Variants in MSRB3 observed in about 807,000 individuals in gnomAD.
MSRB3 encodes the protein methionine-R-sulfoxide reductase B3.
Under a neutral mutation model 21.0 loss-of-function variants are expected in MSRB3, and 13 were observed. The ratio of observed to expected loss-of-function variants is 0.62; its 90% CI spans 0.40 to 0.98. The LOEUF is 0.98. Among genes scored for constraint, MSRB3 ranks in the 50% least tolerant of loss-of-function variants. The pLI is 0.00. For missense variants in MSRB3, 199 were observed against 230.3 expected (o/e 0.86, Z 0.88); for synonymous variants, 87 against 88.6 (o/e 0.98, Z 0.10).
chr12:65,288,671 G>C (rs1259017927), intron 1 of MSRB3, among the ~76,000 whole-genome samples: 2 of 152,104 alleles, frequency 1.3e-5, no homozygotes, highest in African/African-American at 4.8e-5. Flanking sequence ...ATGTACAGCT[G>C]GGAATTGCTT....
chr12:65,333,665 A>G (rs955922570), intron 4 of MSRB3, among the ~76,000 whole-genome samples: 1 of 152,222 alleles, frequency 6.6e-6, no homozygotes, highest in South Asian at 2.1e-4. Context: ...CTTTTCCTCC[A>G]TAAAGCCCTA....
intron 5 of MSRB3, chr12:65,419,659 G>A: frequency 1.4e-6 from 1 of 712,808 alleles, no homozygotes; most frequent in South Asian, 1.4e-5. Context: ...TCTGACCTGG[G>A]GTCCTGTCTT....
intron 5 of MSRB3, among the ~76,000 whole-genome samples, chr12:65,376,856 C>T (rs1878653334): frequency 6.6e-6 from 1 of 152,142 alleles, no homozygotes; most frequent in Admixed American, 6.5e-5. Context: ...ATGAAGGCTG[C>T]TGCAAAGAGG....
intron 4 of MSRB3, among the ~76,000 whole-genome samples, chr12:65,342,783 G>C (rs1876229641): frequency 6.6e-6 from 1 of 151,926 alleles, no homozygotes; most frequent in South Asian, 2.1e-4. Flanking sequence ...TCAGATAATA[G>C]TGCAAAAGAA....
At chr12:65,336,924 A>T (rs1875796717) in intron 4 of MSRB3, among the ~76,000 whole-genome samples, 1 of 152,230 alleles carries the variant, frequency 6.6e-6, no homozygotes, top group Non-Finnish European at 1.5e-5. Context: ...CATCCAGCTC[A>T]CCAGTTGGAA....
chr12:65,453,301 G>A lies in MSRB3; in HGVS notation c.293-427G>A, dbSNP rs552962151. On this transcript the variant is annotated intron_variant, in intron 5 of 6. Coordinates refer to ENST00000308259, the MANE Select transcript of MSRB3 (RefSeq NM_001031679.3). Reference sequence around the variant, plus strand: ...GTACTGAAAAAGCTTGCTTTCTAAGGAGGCATGGAATAGTTGAAAAGTTAA... The same window carrying A: ...GTACTGAAAAAGCTTGCTTTCTAAGAAGGCATGGAATAGTTGAAAAGTTAA... Among the ~76,000 whole-genome samples, 200 of 152,272 alleles carry A rather than the reference G, an allele frequency of 1.3e-3. 2 individuals are homozygous for A. The highest frequency in any genetic ancestry group is 3.7e-3 in the Admixed American group (57 of 15,298).
chr12:65,286,530 T>C (rs1429661122), intron 1 of MSRB3: 1 of 152,208 alleles, frequency 6.6e-6, no homozygotes. Flanking sequence ...TTGATTTGCA[T>C]GTGAGTATAC....
rs183745667 is a variant in MSRB3 at position 65,361,687 on chromosome 12, C to T, written c.264-7311C>T. Among the ~76,000 whole-genome samples, 103 of 152,078 alleles carry T rather than the reference C, an allele frequency of 6.8e-4. 1 individual carries two copies. The East Asian group carries it at 0.018, about 26-fold the overall frequency. On this transcript the variant is annotated intron_variant, in intron 4 of 6. Transcript: ENST00000308259. ...ATATTGGCAAATCTTAAGACTTTGG[C>T]GTGATTTAATTTAGTGATATATCTT...
intron 4 of MSRB3, among the ~76,000 whole-genome samples, chr12:65,347,828 A>G (rs770673064): frequency 1.3e-5 from 2 of 152,174 alleles, no homozygotes; most frequent in African/African-American, 2.4e-5. Flanking sequence ...CCTTTTCTGC[A>G]TCTATTGAGA....
chr12:65,439,152 C>A (rs576684366), intron 5 of MSRB3, among the ~76,000 whole-genome samples: 1 of 151,242 alleles, frequency 6.6e-6, no homozygotes, highest in African/African-American at 2.4e-5. Context: ...TAATATCAGA[C>A]GGAGTGAAAA....
chr12:65,288,056 G>C (rs925623445), intron 1 of MSRB3, among the ~76,000 whole-genome samples: 2 of 152,056 alleles, frequency 1.3e-5, no homozygotes, highest in East Asian at 3.9e-4. Flanking sequence ...TGTAATCTCA[G>C]CACTTTGGGA....
At chr12:65,371,573 A>ATGTGTGTGTGTG (rs149808439) in intron 5 of MSRB3, among the ~76,000 whole-genome samples, 148 of 147,870 alleles carry the variant, frequency 1.0e-3, no homozygotes, top group African/African-American at 3.6e-3. Flanking sequence ...GTTAAATTTT[A>ATGTGTGTGTGTG]TGTGTGTGTG....
At position 65,278,780 on chromosome 12, in the gene MSRB3, G is replaced by T; in HGVS notation, c.-137G>T. On this transcript the variant is annotated 5_prime_UTR_variant, in exon 1 of 7. Coordinates refer to ENST00000308259, the MANE Select transcript of MSRB3 (RefSeq NM_001031679.3). ...TGCCTGGCCTTTCCATGAGCCCGCGGCGGACCCTCCCGCGCCCCCTCTCGC... is the reference window on the plus strand; with the variant it reads ...TGCCTGGCCTTTCCATGAGCCCGCGTCGGACCCTCCCGCGCCCCCTCTCGC... 6.3e-7 allele frequency: 1 copy of T among 1,577,260 alleles called. No homozygotes were observed. The highest frequency in any genetic ancestry group is 8.6e-7 in the Non-Finnish European group (1 of 1,162,626).
intron 1 of MSRB3, chr12:65,281,611 C>CTAA (rs1201185347): frequency 1.3e-5 from 2 of 152,204 alleles, no homozygotes; most frequent in Non-Finnish European, 2.9e-5. Context: ...TCTTCCTCAT[C>CTAA]TAATAGCAGA....
intron 1 of MSRB3, among the ~76,000 whole-genome samples, chr12:65,294,738 A>C (rs1001897406): frequency 6.6e-6 from 1 of 151,730 alleles, no homozygotes; most frequent in East Asian, 1.9e-4. Flanking sequence ...ATATTTGATG[A>C]CACTCTTTGT....
chr12:65,425,154 T>C (rs1303636672), intron 5 of MSRB3, among the ~76,000 whole-genome samples: 2 of 132,072 alleles, frequency 1.5e-5, no homozygotes, highest in African/African-American at 5.6e-5. Flanking sequence ...TAATCCATTT[T>C]ATCTGATATA....
intron 1 of MSRB3, among the ~76,000 whole-genome samples, chr12:65,298,927 C>T (rs1211123568): frequency 2.0e-5 from 3 of 152,172 alleles, no homozygotes; most frequent in African/African-American, 7.2e-5. Flanking sequence ...ATTTAGTCAG[C>T]TTGCATTACC....
chr12:65,406,880 T>C (rs956798842), intron 5 of MSRB3, among the ~76,000 whole-genome samples: 1 of 152,152 alleles, frequency 6.6e-6, no homozygotes, highest in Non-Finnish European at 1.5e-5. Context: ...TGTTACACTG[T>C]GTGAGGACCT....
intron 5 of MSRB3, among the ~76,000 whole-genome samples, chr12:65,404,867 G>C (rs888334898): frequency 1.3e-5 from 2 of 151,796 alleles, no homozygotes; most frequent in Non-Finnish European, 2.9e-5. Context: ...TGTTATTTCT[G>C]TATAACTGAA....
Sources: gnomAD v4.1 joint callset for allele counts (sites outside exome capture counted in the v4.1 genomes callset) on GRCh38, gnomAD v4.1.1 for gene constraint, MANE v1.5 for transcripts, NCBI Gene and HGNC (gene_info 2026-07-23, HGNC 2026-07-21) for gene names.